Variants in UBE2E3 observed in about 807,000 individuals in gnomAD.
The protein encoded by UBE2E3 is ubiquitin-conjugating enzyme E2 E3.
A neutral mutation model predicts 23.6 loss-of-function variants in UBE2E3; 5 were observed. That is an observed-to-expected ratio of 0.21 (90% CI 0.11 to 0.44). The LOEUF (loss-of-function observed/expected upper bound fraction) is 0.44, where lower values mean the gene tolerates loss of function less well. Ranked by LOEUF, UBE2E3 falls within the 20% of genes least tolerant of loss-of-function variation. The pLI is 0.99. For synonymous variants in UBE2E3, 78 were observed against 87.5 expected (o/e 0.89, Z 0.60); for missense variants, 81 against 249.8 (o/e 0.32, Z 4.55).
intron 3 of UBE2E3, among the ~76,000 whole-genome samples, chr2:181,000,797 G>A (rs1185047851): frequency 6.6e-6 from 1 of 152,200 alleles, no homozygotes; most frequent in East Asian, 1.9e-4. Flanking sequence ...CGTGTGATCC[G>A]ACCACCTCGG....
At chr2:181,019,177 C>A in intron 3 of UBE2E3, among the ~76,000 whole-genome samples, 1 of 152,126 alleles carries the variant, frequency 6.6e-6, no homozygotes, top group Admixed American at 6.5e-5. Context: ...TCAGGCTGGT[C>A]TCGAATTCCT....
chr2:181,041,003 A>C (rs1427098743), intron 3 of UBE2E3, among the ~76,000 whole-genome samples: 1 of 152,102 alleles, frequency 6.6e-6, no homozygotes, highest in African/African-American at 2.4e-5. Context: ...TAATCCCAGC[A>C]CTTTGGGAGA....
At chr2:181,035,254 A>T (rs139960132) in intron 3 of UBE2E3, among the ~76,000 whole-genome samples, 119 of 152,294 alleles carry the variant, frequency 7.8e-4, no homozygotes, top group African/African-American at 2.7e-3. Context: ...GATTTGCATG[A>T]TGTAAGGCTA....
At chr2:181,019,905 G>A (rs1451861295) in intron 3 of UBE2E3, among the ~76,000 whole-genome samples, 1 of 151,906 alleles carries the variant, frequency 6.6e-6, no homozygotes, top group Admixed American at 6.6e-5. Flanking sequence ...ATACAATATT[G>A]TTAACTGTAG....
Position 180,989,773 on chromosome 2 carries a change from G to A in UBE2E3, c.245+5680G>A, listed in dbSNP as rs774374464. On this transcript the variant is annotated intron_variant, in intron 3 of 5. Transcript: ENST00000410062. The stretch of plus-strand genomic sequence containing the variant: ...TTAAAAAAAGTTATATGTTTACTTC[G>A]CAGCTACATGCTCACATAACCAGTC... 8.8e-5 allele frequency: 105 copies of A among 1,190,548 alleles called. 1 individual carries two copies. Among genetic ancestry groups the A allele is most frequent in the Non-Finnish European group, 1.1e-4 (97 of 903,690 alleles). 73.7% of individuals were successfully genotyped at this position (1,190,548 alleles called of 1,614,324 possible).
chr2:180,986,525 T>C (rs1006381989), intron 3 of UBE2E3, among the ~76,000 whole-genome samples: 1 of 152,168 alleles, frequency 6.6e-6, no homozygotes, highest in Non-Finnish European at 1.5e-5. Context: ...TGTGGTGTTA[T>C]GTTCTTTTAA....
intron 3 of UBE2E3, among the ~76,000 whole-genome samples, chr2:180,998,037 CACTA>C (rs1000686944): frequency 4.6e-5 from 7 of 152,106 alleles, no homozygotes; most frequent in African/African-American, 1.2e-4. Flanking sequence ...AATGCCGTAG[CACTA>C]ACTATGAGAA....
At chr2:180,998,203 C>G (rs1240143066) in intron 3 of UBE2E3, among the ~76,000 whole-genome samples, 2 of 152,030 alleles carry the variant, frequency 1.3e-5, no homozygotes, top group Non-Finnish European at 2.9e-5. Flanking sequence ...TTTAGAAATA[C>G]TCGAGTTTGT....
chr2:180,983,173 T>TA (rs1046775328), intron 2 of UBE2E3, among the ~76,000 whole-genome samples: 12 of 152,228 alleles, frequency 7.9e-5, no homozygotes, highest in Non-Finnish European at 1.6e-4. Flanking sequence ...AAAAAGAATA[T>TA]AAAAACTGAT....
At chr2:181,033,732 A>G (rs2105651549) in intron 3 of UBE2E3, among the ~76,000 whole-genome samples, 1 of 152,318 alleles carries the variant, frequency 6.6e-6, no homozygotes, top group East Asian at 1.9e-4. Flanking sequence ...CTACCATCAG[A>G]GTGAACAGGC....
At chr2:181,055,443 C>G (rs1470779764) in intron 3 of UBE2E3, among the ~76,000 whole-genome samples, 1 of 151,520 alleles carries the variant, frequency 6.6e-6, no homozygotes, top group Non-Finnish European at 1.5e-5. Context: ...CCTTCCTGAC[C>G]CCTTCCCATC....
At chr2:181,060,861 C>CTTTTT (rs71029902) in intron 5 of UBE2E3, 49 bp downstream of exon 5, 3 of 249,112 alleles carry the variant, frequency 1.2e-5, no homozygotes, top group Non-Finnish European at 1.1e-5. Flanking sequence ...AAAACGAGTG[C>CTTTTT]TTTTTTTTTT....
intron 5 of UBE2E3, among the ~76,000 whole-genome samples, chr2:181,062,087 A>G (rs1050467794): frequency 6.6e-6 from 1 of 151,772 alleles, no homozygotes; most frequent in Admixed American, 6.6e-5. Context: ...AGTGCATGTA[A>G]GAACTCTGGG....
At chr2:181,062,041 A>G (rs2105485708) in intron 5 of UBE2E3, among the ~76,000 whole-genome samples, 1 of 151,846 alleles carries the variant, frequency 6.6e-6, no homozygotes, top group East Asian at 1.9e-4. Context: ...CTGGAAAAAA[A>G]TACATATACA....
chr2:181,034,852 T>C (rs186413820), intron 3 of UBE2E3, among the ~76,000 whole-genome samples: 39 of 152,138 alleles, frequency 2.6e-4, no homozygotes, highest in African/African-American at 8.7e-4. Flanking sequence ...ATTTGAGTAA[T>C]AGAAAAAAAT....
At chr2:181,007,354 C>T (rs980719629) in intron 3 of UBE2E3, among the ~76,000 whole-genome samples, 2 of 152,152 alleles carry the variant, frequency 1.3e-5, no homozygotes, top group African/African-American at 2.4e-5. Flanking sequence ...GTGTTTTCCA[C>T]GCAATTACTT....
intron 3 of UBE2E3, among the ~76,000 whole-genome samples, chr2:181,035,416 A>G (rs4667035): frequency 0.23 from 35,319 of 152,086 alleles, 4,471 homozygotes; most frequent in Non-Finnish European, 0.28. Flanking sequence ...TATAAAAAAT[A>G]TGAATTACTT....
intron 3 of UBE2E3, among the ~76,000 whole-genome samples, chr2:181,032,428 T>G (rs1327652396): frequency 6.6e-6 from 1 of 152,176 alleles, no homozygotes; most frequent in Non-Finnish European, 1.5e-5. Flanking sequence ...CTTATTCAAA[T>G]GGCCCCTATT....
intron 3 of UBE2E3, among the ~76,000 whole-genome samples, chr2:181,030,814 G>C (rs1686053055): frequency 6.6e-6 from 1 of 151,992 alleles, no homozygotes; most frequent in Non-Finnish European, 1.5e-5. Context: ...CTAGGAATTA[G>C]AGCATTTATT....
Sources: gnomAD v4.1 joint callset for allele counts (sites outside exome capture counted in the v4.1 genomes callset) on GRCh38, gnomAD v4.1.1 for gene constraint, MANE v1.5 for transcripts, NCBI Gene and HGNC (gene_info 2026-07-23, HGNC 2026-07-21) for gene names.